The following TNKS variants were observed in gnomAD, a reference collection of about 807,000 sequenced individuals.
The protein encoded by TNKS is tankyrase.
In TNKS, 72 loss-of-function variants were observed where a neutral mutation model predicts 135.8. The observed-to-expected ratio is 0.53, with a 90% confidence interval of 0.44 to 0.64. TNKS has a LOEUF of 0.64. Among genes scored for constraint, TNKS ranks in the 30% least tolerant of loss-of-function variants. The pLI, the probability that TNKS is intolerant of heterozygous loss-of-function variation, is 0.00. For missense variants in TNKS, 1,769 were observed against 1,674.0 expected (o/e 1.06, Z -0.99); for synonymous variants, 849 against 649.3 (o/e 1.31, Z -4.68).
rs376761155 is a variant in TNKS, at chr8:9,598,705, ATGTGTGTG to A, written c.899-16855_899-16848del. On this transcript the variant is annotated intron_variant, in intron 2 of 26. Coordinates refer to ENST00000310430, the MANE Select transcript of TNKS (RefSeq NM_003747.3). ...CACAGAGCAAGACCTTGTCTAAAAT[ATGTGTGTG>A]TGTGTGTGTGTGTGTGTGTGTCTGT... Among the ~76,000 whole-genome samples, 458 of 108,216 alleles carry A rather than the reference ATGTGTGTG, an allele frequency of 4.2e-3. 8 individuals are homozygous for A. The highest frequency in any genetic ancestry group is 0.015 in the African/African-American group (433 of 29,302). 71.0% of individuals were successfully genotyped at this position (108,216 alleles called of 152,430 possible).
chr8:9,694,940 G>A (rs1585338234), intron 5 of TNKS, among the ~76,000 whole-genome samples: 1 of 152,174 alleles, frequency 6.6e-6, no homozygotes, highest in South Asian at 2.1e-4. Flanking sequence ...TAGATGCTAG[G>A]CTATTCTGTC....
rs377442646 is a variant in TNKS at position 9,704,727 on chromosome 8, A to T, written c.1172A>T (p.His391Leu). Residue 391 changes from histidine (H) to leucine (L), a missense_variant, in exon 6 of 27, where the codon CAT (histidine) becomes CTT (leucine). By Grantham distance (99) the His-to-Leu change is moderately conservative (BLOSUM62 -3). Coordinates refer to ENST00000310430, the MANE Select transcript of TNKS (RefSeq NM_003747.3). ...RVRIVQLLLQ[H>L]GADVHAKDKG... is the part of the protein sequence containing the mutation. Reference sequence around the variant, plus strand: ...CGAATAGTTCAGCTTCTTCTTCAGCATGGTGCTGATGTTCATGCAAAAGAC... The same window carrying T: ...CGAATAGTTCAGCTTCTTCTTCAGCTTGGTGCTGATGTTCATGCAAAAGAC... 10 of 1,613,274 alleles carry T rather than the reference A, an allele frequency of 6.2e-6. No homozygotes were observed. In the African/African-American group the frequency reaches 1.2e-4, roughly 19 times the overall value.
intron 2 of TNKS, among the ~76,000 whole-genome samples, chr8:9,607,619 C>G (rs182881978): frequency 3.9e-5 from 6 of 152,010 alleles, no homozygotes; most frequent in Non-Finnish European, 7.4e-5. Flanking sequence ...TTCCATTTGT[C>G]GTATCAAAAA....
chr8:9,777,418 T>C lies in TNKS; in HGVS notation c.*682T>C, dbSNP rs1808279050. 1 of 152,328 alleles carries C rather than the reference T, an allele frequency of 6.6e-6. No individual in the cohort carries two copies. Among genetic ancestry groups the C allele is most frequent in the Admixed American group, 6.5e-5 (1 of 15,298 alleles). 9.4% of individuals were successfully genotyped at this position (152,328 alleles called of 1,614,324 possible). ...GAAAAAACATCAAGTTTTAGTACCT[T>C]TTTATGAATTGGCCTATCTTACAAG... On this transcript the variant is annotated 3_prime_UTR_variant, in exon 27 of 27. Transcript: ENST00000310430.
chr8:9,698,208 C>T (rs4841199), intron 5 of TNKS, among the ~76,000 whole-genome samples: 86,212 of 151,648 alleles, frequency 0.57, 25,222 homozygotes, highest in African/African-American at 0.67. Context: ...ATTGAGCACA[C>T]GTGGACATAA....
intron 17 of TNKS, among the ~76,000 whole-genome samples, chr8:9,742,906 T>C (rs2128823202): frequency 6.6e-6 from 1 of 152,058 alleles, no homozygotes; most frequent in East Asian, 1.9e-4. Flanking sequence ...AAAAGCTACT[T>C]TGTCTCCCCT....
At chr8:9,622,587 G>C (rs1799906715) in intron 3 of TNKS, among the ~76,000 whole-genome samples, 1 of 152,164 alleles carries the variant, frequency 6.6e-6, no homozygotes, top group East Asian at 1.9e-4. Flanking sequence ...TGCAGAATCA[G>C]ACTTTTTACC....
chr8:9,771,592 A>G (rs1490134081), intron 26 of TNKS, among the ~76,000 whole-genome samples: 2 of 124,494 alleles, frequency 1.6e-5, no homozygotes, highest in Non-Finnish European at 3.3e-5. Context: ...AGAAAGGGAG[A>G]GGAAAGAAAG....
intron 5 of TNKS, among the ~76,000 whole-genome samples, chr8:9,701,929 A>G (rs1585347713): frequency 6.6e-6 from 1 of 152,278 alleles, no homozygotes; most frequent in African/African-American, 2.4e-5. Context: ...AAAGAACCAC[A>G]CGGAAAGATG....
intron 2 of TNKS, among the ~76,000 whole-genome samples, chr8:9,606,981 G>C (rs1799248334): frequency 6.6e-6 from 1 of 152,010 alleles, no homozygotes; most frequent in South Asian, 2.1e-4. Context: ...TCGGTTTTGG[G>C]CTTTATTAGT....
intron 2 of TNKS, among the ~76,000 whole-genome samples, chr8:9,610,145 C>A (rs568836496): frequency 6.6e-6 from 1 of 150,670 alleles, no homozygotes; most frequent in Non-Finnish European, 1.5e-5. Context: ...ACATGAGCTA[C>A]TGCGCCCGGC....
intron 1 of TNKS, among the ~76,000 whole-genome samples, chr8:9,577,114 ATT>A (rs397955391): frequency 1.4e-5 from 2 of 138,460 alleles, no homozygotes; most frequent in Non-Finnish European, 3.1e-5. Context: ...ATAACAATTC[ATT>A]TTTTTTTTTG....
chr8:9,598,765 GTATATATATATATATATA>G (rs71201956), intron 2 of TNKS, among the ~76,000 whole-genome samples: 833 of 49,636 alleles, frequency 0.017, 24 homozygotes, highest in African/African-American at 0.033. Context: ...ATGTGTGTGT[GTATATATATATATATATA>G]TATATATATA....
intron 17 of TNKS, chr8:9,741,814 C>G (rs761681749): frequency 4.4e-6 from 2 of 451,972 alleles, no homozygotes; most frequent in East Asian, 5.9e-5. Flanking sequence ...TTGCTGTCAC[C>G]TGAAGAGAGG....
At chr8:9,659,956 C>T (rs139585534) in intron 3 of TNKS, among the ~76,000 whole-genome samples, 4,860 of 152,256 alleles carry the variant, frequency 0.032, 190 homozygotes, top group African/African-American at 0.096. Flanking sequence ...ATACTATAAA[C>T]ACCTCTATGC....
At chr8:9,626,687 T>C (rs748841221) in intron 3 of TNKS, among the ~76,000 whole-genome samples, 4 of 152,302 alleles carry the variant, frequency 2.6e-5, no homozygotes, top group Admixed American at 6.5e-5. Context: ...GGAAGGACAC[T>C]GCCACCTTAC....
At chr8:9,733,575 C>T (rs1261745651) in intron 15 of TNKS, 131 bp downstream of exon 15, 1 of 729,166 alleles carries the variant, frequency 1.4e-6, no homozygotes, top group Non-Finnish European at 2.2e-6. Flanking sequence ...TTTTCTATTT[C>T]CCAGAAGACC....
chr8:9,608,989 A>C (rs1002325788), intron 2 of TNKS, among the ~76,000 whole-genome samples: 1 of 152,218 alleles, frequency 6.6e-6, no homozygotes, highest in Non-Finnish European at 1.5e-5. Context: ...TATGGCTGGA[A>C]ACTAAAGTTT....
intron 2 of TNKS, among the ~76,000 whole-genome samples, chr8:9,604,486 C>G (rs545920279): frequency 2.0e-5 from 3 of 152,132 alleles, no homozygotes; most frequent in South Asian, 4.1e-4. Context: ...AATTAAGTAT[C>G]TGCCTAACAT....
Sources: allele counts gnomAD v4.1 joint callset (sites outside exome capture counted in the v4.1 genomes callset), GRCh38; gene constraint gnomAD v4.1.1; transcripts MANE v1.5; gene names NCBI Gene and HGNC (gene_info 2026-07-23, HGNC 2026-07-21).